KCTD16: variants seen among roughly 807,000 people sequenced by gnomAD.
KCTD16 encodes BTB/POZ domain-containing protein KCTD16.
In KCTD16, 13 loss-of-function variants were observed where a neutral mutation model predicts 33.2. The observed-to-expected ratio is 0.39, with a 90% CI of 0.25 to 0.62. The LOEUF (loss-of-function observed/expected upper bound fraction) is 0.62. Among genes scored for constraint, KCTD16 ranks in the 20% least tolerant of loss-of-function variants. The pLI is 0.50. For missense variants in KCTD16, 441 were observed against 525.1 expected, an observed-to-expected ratio of 0.84 and a Z score of 1.57; for synonymous variants, 197 against 195.3, an observed-to-expected ratio of 1.01 and a Z score of -0.07.
At chr5:144,377,760 A>G (rs997813508) in intron 3 of KCTD16, 8 of 152,260 alleles carry the variant, frequency 5.3e-5, no homozygotes, top group Admixed American at 2.0e-4. Context: ...AAGTTCTCAG[A>G]CCCAGGAGTG....
chr5:144,251,615 C>T (rs1754702646), intron 3 of KCTD16, among the ~76,000 whole-genome samples: 1 of 152,170 alleles, frequency 6.6e-6, no homozygotes, highest in Admixed American at 6.5e-5. Context: ...TAAACCTACT[C>T]TTCAGTCTCC....
At chr5:144,422,259 C>A (rs1435715441) in intron 3 of KCTD16, among the ~76,000 whole-genome samples, 1 of 152,082 alleles carries the variant, frequency 6.6e-6, no homozygotes, top group East Asian at 1.9e-4. Context: ...AGGGACCAGG[C>A]TTTCTAAGCT....
At chr5:144,433,355 A>G (rs2126970851) in intron 3 of KCTD16, among the ~76,000 whole-genome samples, 1 of 152,272 alleles carries the variant, frequency 6.6e-6, no homozygotes, top group South Asian at 2.1e-4. Context: ...CACAGACTGT[A>G]CTGAATGGGA....
At chr5:144,419,242 A>T (rs1030456326) in intron 3 of KCTD16, among the ~76,000 whole-genome samples, 2 of 152,118 alleles carry the variant, frequency 1.3e-5, no homozygotes, top group Non-Finnish European at 2.9e-5. Context: ...CTTATGTTTG[A>T]CTGCCTTTTC....
At chr5:144,281,137 G>A (rs1040795751) in intron 3 of KCTD16, among the ~76,000 whole-genome samples, 5 of 152,204 alleles carry the variant, frequency 3.3e-5, no homozygotes, top group Admixed American at 6.5e-5. Context: ...AGCCCAGATC[G>A]CGCCACTGTA....
chr5:144,328,667 G>T (rs1752273507), intron 3 of KCTD16, among the ~76,000 whole-genome samples: 1 of 151,982 alleles, frequency 6.6e-6, no homozygotes, highest in African/African-American at 2.4e-5. Flanking sequence ...TCTCTAGCCT[G>T]AACATCAAGG....
intron 3 of KCTD16, among the ~76,000 whole-genome samples, chr5:144,208,205 A>G (rs1753252436): frequency 6.6e-6 from 1 of 152,236 alleles, no homozygotes; most frequent in African/African-American, 2.4e-5. Flanking sequence ...ATCTATGTAA[A>G]AGGAACTAGA....
At chr5:144,387,630 C>G (rs933805963) in intron 3 of KCTD16, among the ~76,000 whole-genome samples, 4 of 152,164 alleles carry the variant, frequency 2.6e-5, no homozygotes, top group African/African-American at 9.7e-5. Flanking sequence ...AAGCCCCAGG[C>G]TAGGCAGGGA....
intron 3 of KCTD16, among the ~76,000 whole-genome samples, chr5:144,390,282 AAGG>A (rs1293417938): frequency 1.3e-5 from 2 of 152,160 alleles, no homozygotes; most frequent in African/African-American, 2.4e-5. Flanking sequence ...TTTTGAAAAC[AAGG>A]AGAAGTGTGC....
intron 3 of KCTD16, among the ~76,000 whole-genome samples, chr5:144,422,386 T>C (rs1412154171): frequency 6.6e-6 from 1 of 152,194 alleles, no homozygotes; most frequent in Admixed American, 6.6e-5. Context: ...AACATCCACA[T>C]TTTAAAAATT....
chr5:144,465,191 CTCT>C (rs749453204), intron 3 of KCTD16, among the ~76,000 whole-genome samples: 23,201 of 86,174 alleles, frequency 0.27, 3,583 homozygotes, highest in East Asian at 0.54. Flanking sequence ...TCCCCCCCCT[CTCT>C]CTCTCACTCT....
chr5:144,364,794 T>A (rs1751795258), intron 3 of KCTD16, among the ~76,000 whole-genome samples: 1 of 152,186 alleles, frequency 6.6e-6, no homozygotes, highest in Admixed American at 6.6e-5. Flanking sequence ...GATAAACAGA[T>A]GAATCTTTCA....
At chr5:144,448,970 T>A (rs915680081) in intron 3 of KCTD16, among the ~76,000 whole-genome samples, 2 of 152,064 alleles carry the variant, frequency 1.3e-5, no homozygotes, top group Non-Finnish European at 2.9e-5. Flanking sequence ...GGAAAGAGGA[T>A]CATATAAAGT....
At chr5:144,267,502 C>T (rs1380135524) in intron 3 of KCTD16, among the ~76,000 whole-genome samples, 1 of 152,172 alleles carries the variant, frequency 6.6e-6, no homozygotes, top group Non-Finnish European at 1.5e-5. Flanking sequence ...ATGCAGAAGG[C>T]AAGCAGCAAA....
At chr5:144,185,722 T>C (rs1752712219) in intron 2 of KCTD16, among the ~76,000 whole-genome samples, 1 of 152,078 alleles carries the variant, frequency 6.6e-6, no homozygotes, top group South Asian at 2.1e-4. Flanking sequence ...CTTTTTTGCA[T>C]TAGGAATAAA....
intron 3 of KCTD16, among the ~76,000 whole-genome samples, chr5:144,450,042 T>C (rs549684429): frequency 6.6e-6 from 1 of 152,130 alleles, no homozygotes; most frequent in African/African-American, 2.4e-5. Flanking sequence ...TTTGAAAAAC[T>C]CATTTACCTG....
chr5:144,289,530 G>A lies in KCTD16; in HGVS notation c.832+81984G>A, dbSNP rs546762258. On this transcript the variant is annotated intron_variant, in intron 3 of 3. Coordinates refer to ENST00000512467, the MANE Select transcript of KCTD16 (RefSeq NM_020768.4). ...CACTGCCACACACATTCCTTCTACT[G>A]ATTCCATGCTCGTACTTTCCTCCGC... Among the ~76,000 whole-genome samples, 74 of 152,288 alleles carry A rather than the reference G, an allele frequency of 4.9e-4. 1 individual carries two copies. The highest frequency in any genetic ancestry group is 1.7e-3 in the African/African-American group (71 of 41,554).
chr5:144,337,243 G>A (rs181754481), intron 3 of KCTD16, among the ~76,000 whole-genome samples: 198 of 152,042 alleles, frequency 1.3e-3, no homozygotes, highest in African/African-American at 3.3e-3. Flanking sequence ...GATACACATC[G>A]TAGAGTGGAA....
chr5:144,272,457 G>A (rs1310298790), intron 3 of KCTD16, among the ~76,000 whole-genome samples: 1 of 151,872 alleles, frequency 6.6e-6, no homozygotes, highest in Non-Finnish European at 1.5e-5. Flanking sequence ...GAGAGAAAAA[G>A]TCCTTCCTAA....
Sources: allele counts gnomAD v4.1 joint callset (sites outside exome capture counted in the v4.1 genomes callset), GRCh38; gene constraint gnomAD v4.1.1; transcripts MANE v1.5; gene names NCBI Gene and HGNC (gene_info 2026-07-23, HGNC 2026-07-21).